The following GLG1 variants were observed in gnomAD, a reference collection of about 807,000 sequenced individuals.
The protein encoded by GLG1 is Golgi apparatus protein 1.
Under a neutral mutation model 160.5 loss-of-function variants are expected in GLG1, and 38 were observed. The ratio of observed to expected loss-of-function variants is 0.24; its 90% CI spans 0.18 to 0.31. The LOEUF is 0.31. GLG1 is among the 10% of genes least tolerant of loss of function. GLG1 has a pLI of 1.00. For synonymous variants in GLG1, 644 were observed against 543.4 expected, an observed-to-expected ratio of 1.19 and a Z score of -2.57; for missense variants, 1,373 against 1,505.2, an observed-to-expected ratio of 0.91 and a Z score of 1.45.
At chr16:74,545,888 ATGTT>A (rs975214059) in intron 1 of GLG1, among the ~76,000 whole-genome samples, 1 of 152,202 alleles carries the variant, frequency 6.6e-6, no homozygotes, top group African/African-American at 2.4e-5. Context: ...GTAAAAGTAA[ATGTT>A]TGTTACCAAC....
chr16:74,474,476 A>T, intron 13 of GLG1, 70 bp downstream of exon 13: 1 of 805,092 alleles, frequency 1.2e-6, no homozygotes, highest in Non-Finnish European at 2.3e-6. Flanking sequence ...TAGAAACAGT[A>T]GAATCAAACA....
At chr16:74,574,695 C>A (rs2018935030) in intron 1 of GLG1, among the ~76,000 whole-genome samples, 1 of 150,812 alleles carries the variant, frequency 6.6e-6, no homozygotes, top group Non-Finnish European at 1.5e-5. Context: ...CCAACCTGGC[C>A]AACACGGTAA....
chr16:74,467,947 C>T (rs2015059107), intron 17 of GLG1, 99 bp from the exon 18 acceptor site: 2 of 765,696 alleles, frequency 2.6e-6, no homozygotes, highest in East Asian at 2.6e-5. Context: ...GTCTAGTGAC[C>T]CTGGCTTCTA....
At chr16:74,459,632 G>GAA (rs369180794) in intron 23 of GLG1, 50 bp downstream of exon 23, 14,842 of 765,768 alleles carry the variant, frequency 0.019, 47 homozygotes, top group Non-Finnish European at 0.023. Context: ...AGGAAGAAGA[G>GAA]AAAAAAAAAA....
At chr16:74,549,103 G>T (rs1340643497) in intron 1 of GLG1, among the ~76,000 whole-genome samples, 1 of 152,166 alleles carries the variant, frequency 6.6e-6, no homozygotes, top group Non-Finnish European at 1.5e-5. Context: ...TCCTCTCTGA[G>T]CTTTAAGCAT....
At position 74,448,347 on chromosome 16, in the gene GLG1, C is replaced by T. The variant is rs1394077228; in HGVS notation, c.*4820G>A. ...GCGAGTGGGGAGGAAGGAAGTGTCC[C>T]TCAAGGCCTGAGAGAGACCCACAGC... On this transcript the variant is annotated 3_prime_UTR_variant, in exon 26 of 26. Coordinates refer to ENST00000422840, the MANE Select transcript of GLG1 (RefSeq NM_001145667.2). 2 of 152,278 alleles carry T rather than the reference C, an allele frequency of 1.3e-5. No homozygotes were observed. The highest frequency in any genetic ancestry group is 1.5e-5 in the Non-Finnish European group (1 of 68,046). The allele number at this position is 152,278 out of a possible 1,614,324, so 9.4% of individuals were successfully genotyped here.
At chr16:74,602,379 A>G (rs1958458128) in intron 1 of GLG1, among the ~76,000 whole-genome samples, 1 of 152,230 alleles carries the variant, frequency 6.6e-6, no homozygotes, top group African/African-American at 2.4e-5. Context: ...AACAAAAAAA[A>G]CCTTCTAGTT....
chr16:74,480,312 A>T lies in GLG1; in HGVS notation c.1756T>A (p.Phe586Ile). ...HTHGWNETSE[F>I]MPQGAVFSCL... ...GAGAACACAGCTCCCTGAGGCATAAATTCACTGGTCTCATTCCAACCGTGG... is the reference window on the plus strand; with the variant it reads ...GAGAACACAGCTCCCTGAGGCATAATTTCACTGGTCTCATTCCAACCGTGG... The change falls in exon 11 of 26, where the codon TTT becomes ATT. Residue 586 changes from phenylalanine to isoleucine, a missense_variant. By Grantham distance (21) the Phe-to-Ile change is conservative. Coordinates refer to ENST00000422840, the MANE Select transcript of GLG1 (RefSeq NM_001145667.2). The T allele has an allele frequency of 6.2e-7, 1 of 1,613,420 alleles. No individual in the cohort carries two copies.
chr16:74,513,650 C>T (rs1030119151), intron 2 of GLG1, among the ~76,000 whole-genome samples: 1 of 152,148 alleles, frequency 6.6e-6, no homozygotes, highest in African/African-American at 2.4e-5. Flanking sequence ...ATTCGTAGGT[C>T]ACCAACATCA....
At chr16:74,459,422 G>A (rs1016754672) in intron 23 of GLG1, among the ~76,000 whole-genome samples, 1 of 152,156 alleles carries the variant, frequency 6.6e-6, no homozygotes, top group African/African-American at 2.4e-5. Flanking sequence ...AGGTTGCAGT[G>A]AGATCACGCC....
chr16:74,477,656 CCTCAAAT>C, intron 11 of GLG1, 123 bp from the exon 12 acceptor site: 3 of 681,974 alleles, frequency 4.4e-6, no homozygotes, highest in African/African-American at 1.8e-5. Flanking sequence ...AAATTTTATA[CCTCAAAT>C]ATCTTCCAGA....
intron 18 of GLG1, among the ~76,000 whole-genome samples, chr16:74,466,983 G>C (rs1304276313): frequency 6.6e-6 from 1 of 152,216 alleles, no homozygotes; most frequent in African/African-American, 2.4e-5. Flanking sequence ...TCCCAGAACT[G>C]AAGGAACACA....
At chr16:74,480,208 G>A (rs1056480298) in intron 11 of GLG1, 33 bp downstream of exon 11, 2 of 1,532,592 alleles carry the variant, frequency 1.3e-6, no homozygotes, top group African/African-American at 2.7e-5. Context: ...CAAATGACAA[G>A]AAGAAGAAAT....
rs536181595 is a variant in GLG1, at chr16:74,458,141, G to A, written c.3145-147C>T. 4 of 662,434 alleles carry A rather than the reference G, an allele frequency of 6.0e-6. No homozygotes were observed. The South Asian group carries it at 6.1e-5, about 10-fold the overall frequency. The allele number at this position is 662,434 out of a possible 1,614,324, so 41.0% of individuals were successfully genotyped here. On this transcript the variant is annotated intron_variant, in intron 23 of 25. Transcript: ENST00000422840. ...ACTTTGGGACAGGTTGCAAGGTGGT[G>A]ATGATGTACAGAATGCAGAATTTAA...
At chr16:74,479,238 CA>C (rs11343790) in intron 11 of GLG1, among the ~76,000 whole-genome samples, 56,688 of 85,538 alleles carry the variant, frequency 0.66, 17,425 homozygotes, top group African/African-American at 0.75. Context: ...GGCTTTGTCT[CA>C]AAAAAAAAAA....
intron 7 of GLG1, among the ~76,000 whole-genome samples, chr16:74,491,707 G>A (rs1480156862): frequency 1.5e-5 from 2 of 137,658 alleles, no homozygotes; most frequent in Admixed American, 8.1e-5. Context: ...GCGCGATCTC[G>A]GCTCACTGCA....
intron 1 of GLG1, among the ~76,000 whole-genome samples, chr16:74,577,738 G>C (rs2019044514): frequency 6.6e-6 from 1 of 152,006 alleles, no homozygotes; most frequent in African/African-American, 2.4e-5. Flanking sequence ...AGCCTCCTGA[G>C]TAACTGGGAC....
chr16:74,586,857 T>G (rs913345946), intron 1 of GLG1, among the ~76,000 whole-genome samples: 1 of 151,962 alleles, frequency 6.6e-6, no homozygotes, highest in Non-Finnish European at 1.5e-5. Context: ...CACCACACCC[T>G]GCTAATTTTT....
At chr16:74,585,704 C>T (rs11642283) in intron 1 of GLG1, among the ~76,000 whole-genome samples, 81,607 of 138,130 alleles carry the variant, frequency 0.59, 24,981 homozygotes, top group African/African-American at 0.79. Context: ...CCTGAGACTC[C>T]GTCTCAAAAA....
Sources: allele counts gnomAD v4.1 joint callset (sites outside exome capture counted in the v4.1 genomes callset), GRCh38; gene constraint gnomAD v4.1.1; transcripts MANE v1.5; gene names NCBI Gene and HGNC (gene_info 2026-07-23, HGNC 2026-07-21).